The following PTPRD variants were observed in gnomAD, a reference collection of about 807,000 sequenced individuals.
PTPRD encodes the protein protein tyrosine phosphatase receptor type D, also known as receptor-type tyrosine-protein phosphatase delta.
PTPRD carries 34 observed loss-of-function variants against 214.5 expected under a neutral mutation model. The observed-to-expected ratio is 0.16, with a 90% CI of 0.12 to 0.21. PTPRD has a LOEUF of 0.21. Among genes scored for constraint, PTPRD ranks in the 10% least tolerant of loss-of-function variants. The probability of loss-of-function intolerance (pLI) is 1.00; values close to 1 mark genes in which losing one functional copy is unlikely to be tolerated. For missense variants in PTPRD, 2,545 were observed against 2,398.7 expected (o/e 1.06, Z -1.27); for synonymous variants, 1,128 against 845.7 (o/e 1.33, Z -5.79).
At chr9:10,380,672 G>A (rs1385486454) in intron 2 of PTPRD, among the ~76,000 whole-genome samples, 1 of 151,934 alleles carries the variant, frequency 6.6e-6, no homozygotes, top group Non-Finnish European at 1.5e-5. Context: ...GAAGTCCACG[G>A]AACAAAATCC....
chr9:10,332,997 G>T (rs1473828526), intron 3 of PTPRD, among the ~76,000 whole-genome samples: 1 of 151,818 alleles, frequency 6.6e-6, no homozygotes, highest in Admixed American at 6.6e-5. Context: ...CTCAAAGAAA[G>T]ATATTTTTTA....
intron 3 of PTPRD, among the ~76,000 whole-genome samples, chr9:10,265,175 CA>C (rs1387815214): frequency 6.6e-6 from 1 of 152,088 alleles, no homozygotes; most frequent in Non-Finnish European, 1.5e-5. Flanking sequence ...GAGAAAATAG[CA>C]AATATGATAC....
At chr9:10,274,974 A>G (rs1016420300) in intron 3 of PTPRD, among the ~76,000 whole-genome samples, 19 of 152,120 alleles carry the variant, frequency 1.2e-4, no homozygotes, top group African/African-American at 4.1e-4. Context: ...AAATTTACAT[A>G]TATCATGTAA....
In PTPRD at chr9:8,400,823, C is replaced by T. The variant is rs1349324534; in HGVS notation, c.4210+3714G>A. Among the ~76,000 whole-genome samples, 10 of 152,166 alleles carry T rather than the reference C, an allele frequency of 6.6e-5. No homozygotes were observed. In the East Asian group the frequency reaches 7.7e-4, roughly 12 times the overall value. Reference sequence around the variant, plus strand: ...ATATCTAGTAAAATACTCACACTGCCGCTTCACTAGACTGTTGTGTACAGC... The same window carrying T: ...ATATCTAGTAAAATACTCACACTGCTGCTTCACTAGACTGTTGTGTACAGC... On this transcript the variant is annotated intron_variant, in intron 36 of 45. Transcript: ENST00000381196.
intron 9 of PTPRD, among the ~76,000 whole-genome samples, chr9:9,246,803 C>T (rs115268564): frequency 0.023 from 3,457 of 152,016 alleles, 145 homozygotes; most frequent in African/African-American, 0.08. Context: ...AATTTCTGGA[C>T]TGTGAAACTT....
chr9:10,216,689 T>C (rs1307003320), intron 3 of PTPRD, among the ~76,000 whole-genome samples: 1 of 152,040 alleles, frequency 6.6e-6, no homozygotes, highest in East Asian at 1.9e-4. Flanking sequence ...CTGTTCACAA[T>C]AGAGCTCTCT....
At chr9:9,933,248 G>T (rs141913330) in intron 5 of PTPRD, among the ~76,000 whole-genome samples, 24,493 of 140,146 alleles carry the variant, frequency 0.17, no homozygotes, top group South Asian at 0.2. Context: ...AAATGTAAAT[G>T]GAGTACATGC....
chr9:10,002,013 T>C lies in PTPRD; in HGVS notation c.-472+31705A>G, dbSNP rs968019012. 3.3e-5 allele frequency among the ~76,000 whole-genome samples: 5 copies of C among 152,008 alleles called. No individual in the cohort carries two copies. The South Asian group carries it at 8.3e-4, about 25-fold the overall frequency. ...TATAAAGATGTAATTTTTATAGCAA[T>C]GTTAATACAAAAGGGAAGCTAAAGA... On this transcript the variant is annotated intron_variant, in intron 4 of 45. Coordinates refer to ENST00000381196, the MANE Select transcript of PTPRD (RefSeq NM_002839.4).
intron 34 of PTPRD, chr9:8,438,926 G>A (rs935311575): frequency 6.6e-6 from 1 of 152,114 alleles, no homozygotes; most frequent in Admixed American, 6.5e-5. Context: ...CTTGTGGCAT[G>A]CACTGGCACA....
At chr9:10,330,203 T>G (rs1218734438) in intron 3 of PTPRD, among the ~76,000 whole-genome samples, 3 of 151,852 alleles carry the variant, frequency 2.0e-5, no homozygotes, top group Admixed American at 1.3e-4. Flanking sequence ...TACTCTGCTC[T>G]GTGTGGTTGT....
intron 4 of PTPRD, among the ~76,000 whole-genome samples, chr9:10,007,679 C>T (rs541204459): frequency 6.6e-6 from 1 of 151,936 alleles, no homozygotes; most frequent in Non-Finnish European, 1.5e-5. Context: ...CATAAGCCAC[C>T]TACAACCCCA....
chr9:9,946,721 C>A (rs969803916), intron 4 of PTPRD, among the ~76,000 whole-genome samples: 13 of 152,050 alleles, frequency 8.5e-5, no homozygotes, highest in African/African-American at 2.9e-4. Flanking sequence ...ATACAGAGAC[C>A]CTCTAATGTA....
intron 3 of PTPRD, among the ~76,000 whole-genome samples, chr9:10,126,426 T>TAC (rs57563877): frequency 0.022 from 2,120 of 96,200 alleles, 32 homozygotes; most frequent in South Asian, 0.055. Context: ...GTTTTATATA[T>TAC]ACACACACAC....
chr9:8,946,135 A>G (rs761329830), intron 11 of PTPRD, among the ~76,000 whole-genome samples: 9 of 152,176 alleles, frequency 5.9e-5, no homozygotes, highest in Non-Finnish European at 1.2e-4. Context: ...GGTAACCAAG[A>G]GCATTTGTGT....
chr9:10,562,454 A>C (rs1209944707), intron 2 of PTPRD, among the ~76,000 whole-genome samples: 2 of 152,112 alleles, frequency 1.3e-5, no homozygotes, highest in African/African-American at 4.8e-5. Context: ...GCAGCAATAT[A>C]ATAATAAAAG....
intron 5 of PTPRD, among the ~76,000 whole-genome samples, chr9:9,934,827 A>G (rs1367248237): frequency 1.3e-5 from 2 of 152,254 alleles, no homozygotes; most frequent in Admixed American, 6.5e-5. Flanking sequence ...AAAATCCTCA[A>G]TAAAATACTG....
chr9:8,783,911 T>A (rs1369005217), intron 11 of PTPRD, among the ~76,000 whole-genome samples: 1 of 152,178 alleles, frequency 6.6e-6, no homozygotes, highest in Admixed American at 6.5e-5. Context: ...GTGCTATACA[T>A]CCTAACACAG....
chr9:10,344,537 T>A lies in PTPRD; in HGVS notation c.-599-3520A>T, dbSNP rs373012512. The stretch of plus-strand genomic sequence containing the variant: ...GGCTCTTTTTTGGTTTCATACAAAC[T>A]TTAAAGTAGTTTTTTTCCAATTCTG... On this transcript the variant is annotated intron_variant, in intron 2 of 45. Coordinates refer to ENST00000381196, the MANE Select transcript of PTPRD (RefSeq NM_002839.4). 7.7e-4 allele frequency among the ~76,000 whole-genome samples: 117 copies of A among 152,318 alleles called. 2 individuals are homozygous for A. In the South Asian group the frequency reaches 0.021, roughly 28 times the overall value.
intron 2 of PTPRD, among the ~76,000 whole-genome samples, chr9:10,503,204 A>AAAC (rs1555437291): frequency 1.5e-5 from 2 of 133,802 alleles, no homozygotes; most frequent in East Asian, 2.3e-4. Flanking sequence ...AAAAAAAAAA[A>AAAC]AAACAAAAAA....
Sources: gnomAD v4.1 joint callset for allele counts (sites outside exome capture counted in the v4.1 genomes callset) on GRCh38, gnomAD v4.1.1 for gene constraint, MANE v1.5 for transcripts, NCBI Gene and HGNC (gene_info 2026-07-23, HGNC 2026-07-21) for gene names.